CAVIN2: variants seen among roughly 807,000 people sequenced by gnomAD.
CAVIN2 encodes the protein caveolae associated protein 2.
In CAVIN2, 13 loss-of-function variants were observed where a neutral mutation model predicts 11.7. The ratio of observed to expected loss-of-function variants is 1.11; its 90% CI spans 0.72 to 1.77. The LOEUF is 1.77. Ranked by LOEUF, CAVIN2 falls within the 40% of genes most tolerant of loss-of-function variation. The pLI, the probability that CAVIN2 is intolerant of heterozygous loss-of-function variation, is 0.00. For synonymous variants in CAVIN2, 237 were observed against 223.2 expected (o/e 1.06, Z -0.55); for missense variants, 549 against 542.9 (o/e 1.01, Z -0.11).
At position 191,835,117 on chromosome 2, in the gene CAVIN2, T is replaced by TA; in HGVS notation, c.*805_*806insT. The TA allele has an allele frequency of 6.6e-6, 1 of 152,232 alleles. No individual in the cohort carries two copies. The highest frequency in any genetic ancestry group is 6.5e-5 in the Admixed American group (1 of 15,300). The allele number at this position is 152,232 out of a possible 1,614,324, so 9.4% of individuals were successfully genotyped here. On this transcript the variant is annotated 3_prime_UTR_variant, in exon 2 of 2. Transcript: ENST00000304141. ...ATAAAAATATTTTGAAGATGACATGTTATTCCAGGATATACGAACTTCTTT... is the reference window on the plus strand; with the variant it reads ...ATAAAAATATTTTGAAGATGACATGTATATTCCAGGATATACGAACTTCTTT...
At chr2:191,845,128 GA>G (rs1690147583) in intron 1 of CAVIN2, among the ~76,000 whole-genome samples, 1 of 152,336 alleles carries the variant, frequency 6.6e-6, no homozygotes, top group East Asian at 1.9e-4. Flanking sequence ...TCTGGTGCAT[GA>G]AAAGCTACTG....
chr2:191,844,485 CT>C (rs1690137653), intron 1 of CAVIN2, among the ~76,000 whole-genome samples: 1 of 152,130 alleles, frequency 6.6e-6, no homozygotes. Flanking sequence ...CTAAAATGCT[CT>C]TTAAAGGTGT....
intron 1 of CAVIN2, among the ~76,000 whole-genome samples, chr2:191,837,795 G>A (rs1690043638): frequency 6.6e-6 from 1 of 152,224 alleles, no homozygotes; most frequent in Admixed American, 6.5e-5. Flanking sequence ...TCAGCAAGAT[G>A]TCTTCACATC....
chr2:191,835,485 A>T lies in CAVIN2; in HGVS notation c.*438T>A, dbSNP rs1005532007. The T allele has an allele frequency of 6.3e-6, 1 of 159,744 alleles. No homozygotes were observed. The highest frequency in any genetic ancestry group is 2.4e-5 in the African/African-American group (1 of 41,592). The allele number at this position is 159,744 out of a possible 1,614,324, so 9.9% of individuals were successfully genotyped here. ...TAGCTTACATATTTATGTATATTAT[A>T]TATCAACACTTAAAGAATAATAATT... is the stretch of plus-strand genomic sequence containing the variant. On this transcript the variant is annotated 3_prime_UTR_variant, in exon 2 of 2. Coordinates refer to ENST00000304141, the MANE Select transcript of CAVIN2 (RefSeq NM_004657.6).
chr2:191,845,537 C>T (rs1053470336), intron 1 of CAVIN2, among the ~76,000 whole-genome samples: 15 of 152,296 alleles, frequency 9.8e-5, no homozygotes, highest in Admixed American at 9.8e-4. Context: ...TTCCACTGGG[C>T]GGAAGGGCTT....
Position 191,836,194 on chromosome 2 carries a change from C to G in CAVIN2, c.1007G>C (p.Gly336Ala), listed in dbSNP as rs1267904351. ...NDQEEESFAEGHSEASLASAL... is the reference protein window; with the variant it reads ...NDQEEESFAEAHSEASLASAL... ...GCTGGCGAGGGACGCTTCGGAATGA[C>G]CCTCTGCAAAGGACTCCTCTTCCTG... The change falls in exon 2 of 2, where the codon GGT becomes GCT. Residue 336 changes from glycine to alanine, a missense_variant. By Grantham distance (60) the Gly-to-Ala change is moderately conservative (BLOSUM62 0). Coordinates refer to ENST00000304141, the MANE Select transcript of CAVIN2 (RefSeq NM_004657.6). 2 of 1,614,148 alleles carry G rather than the reference C, an allele frequency of 1.2e-6. No homozygotes were observed. Among genetic ancestry groups the G allele is most frequent in the Non-Finnish European group, 1.7e-6 (2 of 1,180,042 alleles).
At position 191,847,004 on chromosome 2, in the gene CAVIN2, G is replaced by A; in HGVS notation, c.-79C>T. The A allele has an allele frequency of 6.6e-7, 1 of 1,512,238 alleles. No homozygotes were observed. The highest frequency in any genetic ancestry group is 2.2e-5 in the Admixed American group (1 of 46,290). 93.7% of individuals were successfully genotyped at this position (1,512,238 alleles called of 1,614,324 possible). ...GAGAAGTTGCGGTGGTGAGGGTGTA[G>A]GATGAGGCCCGCTGGTTGGAGCTCA... On this transcript the variant is annotated 5_prime_UTR_variant, in exon 1 of 2. Coordinates refer to ENST00000304141, the MANE Select transcript of CAVIN2 (RefSeq NM_004657.6).
chr2:191,837,252 A>G (rs1316735029), intron 1 of CAVIN2, among the ~76,000 whole-genome samples: 1 of 152,206 alleles, frequency 6.6e-6, no homozygotes, highest in East Asian at 1.9e-4. Context: ...AAGTAAAGGT[A>G]GGGCCAGCCT....
In CAVIN2 at chr2:191,836,654, T is replaced by TA. The variant is rs1275636604; in HGVS notation, c.546_547insT (p.Lys183Ter). ...TTGTTTTCATCCGGAAGCTCCTCCT[T>TA]CCCTTCCACGGCACCGGAAACGGGC... On this transcript the variant is annotated frameshift_variant, in exon 2 of 2. Transcript: ENST00000304141. LOFTEE classifies it low-confidence loss of function (END_TRUNC). 15 of 1,613,918 alleles carry TA rather than the reference T, an allele frequency of 9.3e-6. No individual in the cohort carries two copies. Among genetic ancestry groups the TA allele is most frequent in the Non-Finnish European group, 1.3e-5 (15 of 1,179,982 alleles).
chr2:191,846,541 T>C lies in CAVIN2; in HGVS notation c.385A>G (p.Lys129Glu), dbSNP rs745837854. 1.2e-6 allele frequency: 2 copies of C among 1,614,158 alleles called. No homozygotes were observed. Among genetic ancestry groups the C allele is most frequent in the African/African-American group, 1.3e-5 (1 of 74,950 alleles). The change falls in exon 1 of 2, where the codon AAA (lysine) becomes GAA (glutamate). Residue 129 changes from lysine (K) to glutamate (E), a missense_variant. Transcript: ENST00000304141. ...GCGCACTGCCTATCCATGCGCTCTTTGACCGCGCGCGTGTGGGCGCTGACC... is the reference window on the plus strand; with the variant it reads ...GCGCACTGCCTATCCATGCGCTCTTCGACCGCGCGCGTGTGGGCGCTGACC... ...RKVSAHTRAV[K>E]ERMDRQCAQV...
In CAVIN2 at chr2:191,846,456, A is replaced by C. The variant is rs746891041; in HGVS notation, c.470T>G (p.Val157Gly). ...AQLLRRNHFK[V>G]LIFQEENEIP... ...GGGGGAACTGACCTGGAAGATGAGC[A>C]CTTTGAAATGGTTGCGTCGGAGGAG... The change falls in exon 1 of 2, where the codon GTG becomes GGG. Residue 157 changes from valine (V) to glycine (G), a missense_variant. Coordinates refer to ENST00000304141, the MANE Select transcript of CAVIN2 (RefSeq NM_004657.6). 8.1e-6 allele frequency: 13 copies of C among 1,612,684 alleles called. No individual in the cohort carries two copies. The South Asian group carries it at 1.2e-4, about 15-fold the overall frequency.
chr2:191,843,791 C>G (rs1009599791), intron 1 of CAVIN2, among the ~76,000 whole-genome samples: 7 of 152,206 alleles, frequency 4.6e-5, no homozygotes, highest in Admixed American at 4.6e-4. Flanking sequence ...GTAATATCTT[C>G]TATTCATTGA....
At chr2:191,836,900 G>A (rs1284581862) in intron 1 of CAVIN2, among the ~76,000 whole-genome samples, 183 bp from the exon 2 acceptor site, 1 of 152,202 alleles carries the variant, frequency 6.6e-6, no homozygotes, top group Non-Finnish European at 1.5e-5. Context: ...TATTTAGGCT[G>A]GATAAGGCCA....
intron 1 of CAVIN2, among the ~76,000 whole-genome samples, chr2:191,844,427 T>C (rs562572357): frequency 6.6e-6 from 1 of 152,310 alleles, no homozygotes; most frequent in Admixed American, 6.5e-5. Context: ...TAAAGGATCT[T>C]ACACGGCTTA....
rs997296306 is a variant in CAVIN2 at position 191,834,811 on chromosome 2, T to G, written c.*1112A>C. The G allele has an allele frequency of 1.4e-4, 21 of 152,224 alleles. No individual in the cohort carries two copies. Among genetic ancestry groups the G allele is most frequent in the African/African-American group, 4.8e-4 (20 of 41,576 alleles). The allele number at this position is 152,224 out of a possible 1,614,324, so 9.4% of individuals were successfully genotyped here. A position where few individuals can be genotyped will look rare whatever the true frequency, so the allele number is the denominator to read the frequency against. On this transcript the variant is annotated 3_prime_UTR_variant, in exon 2 of 2. Coordinates refer to ENST00000304141, the MANE Select transcript of CAVIN2 (RefSeq NM_004657.6). ...ACAAAAAAAGAAAAAATAGAATCTT[T>G]CACTTCCAAAACCTATAGATTTTAG...
chr2:191,846,415 C>G, intron 1 of CAVIN2, 28 bp downstream of exon 1: 1 of 1,584,578 alleles, frequency 6.3e-7, no homozygotes, highest in Non-Finnish European at 8.6e-7. Flanking sequence ...TTCCAGCCCG[C>G]CTGTAAGGAG....
Position 191,846,466 on chromosome 2 carries a change from G to T in CAVIN2, c.460C>A (p.His154Asn), listed in dbSNP as rs1401062930. Residue 154 changes from histidine to asparagine, a missense_variant, in exon 1 of 2, where the codon CAT becomes AAT. Physicochemically the swap from His to Asn is moderately conservative, Grantham distance 68 (BLOSUM62 1). Coordinates refer to ENST00000304141, the MANE Select transcript of CAVIN2 (RefSeq NM_004657.6). ...NNHAQLLRRN[H>N]FKVLIFQEEN... ...ACCTGGAAGATGAGCACTTTGAAAT[G>T]GTTGCGTCGGAGGAGCTGGGCGTGG... 1.2e-6 allele frequency: 2 copies of T among 1,613,286 alleles called. No individual in the cohort carries two copies. Among genetic ancestry groups the T allele is most frequent in the East Asian group, 4.5e-5 (2 of 44,876 alleles).
chr2:191,844,322 G>C lies in CAVIN2; in HGVS notation c.483+2121C>G, dbSNP rs541741850. ...ACTGCTACTTTTAGAAGGAACAAGA[G>C]AGTCCACTGAGGGACTGTGCTTGCA... On this transcript the variant is annotated intron_variant, in intron 1 of 1. Coordinates refer to ENST00000304141, the MANE Select transcript of CAVIN2 (RefSeq NM_004657.6). Among the ~76,000 whole-genome samples, 12 of 152,332 alleles carry C rather than the reference G, an allele frequency of 7.9e-5. No individual in the cohort carries two copies. In the South Asian group the frequency reaches 2.3e-3, roughly 29 times the overall value.
chr2:191,836,112 C>A lies in CAVIN2; in HGVS notation c.1089G>T (p.Gly363=). 6.2e-7 allele frequency: 1 copy of A among 1,614,214 alleles called. No individual in the cohort carries two copies. The highest frequency in any genetic ancestry group is 8.5e-7 in the Non-Finnish European group (1 of 1,180,036). ...TGTTGCTGTCCATCCCCGAGTTACT[C>A]CCCCTGGAGGTCGCCTTCTCAGCAG... ...EEAAEKATSR[G]SNSGMDSNID... The change falls in exon 2 of 2, where the codon GGG becomes GGT. Residue 363 remains glycine (G), a synonymous_variant. Coordinates refer to ENST00000304141, the MANE Select transcript of CAVIN2 (RefSeq NM_004657.6).
Sources: gnomAD v4.1 joint callset for allele counts (sites outside exome capture counted in the v4.1 genomes callset) on GRCh38, gnomAD v4.1.1 for gene constraint, MANE v1.5 for transcripts, NCBI Gene and HGNC (gene_info 2026-07-23, HGNC 2026-07-21) for gene names.